Variants in ARHGAP28 observed in about 807,000 individuals in gnomAD.
The protein encoded by ARHGAP28 is rho GTPase-activating protein 28.
A neutral mutation model predicts 90.7 loss-of-function variants in ARHGAP28; 56 were observed. That is an observed-to-expected ratio of 0.62 (90% CI 0.50 to 0.77). ARHGAP28 has a LOEUF of 0.77. Among genes scored for constraint, ARHGAP28 ranks in the 30% least tolerant of loss-of-function variants. The probability of loss-of-function intolerance (pLI) is 0.00; values close to 1 mark genes in which losing one functional copy is unlikely to be tolerated. For missense variants in ARHGAP28, 869 were observed against 900.9 expected, an observed-to-expected ratio of 0.96 and a Z score of 0.45; for synonymous variants, 308 against 323.3, an observed-to-expected ratio of 0.95 and a Z score of 0.51.
rs75156000 is a variant in ARHGAP28 at position 6,860,558 on chromosome 18, T to A, written c.726+661T>A. Among the ~76,000 whole-genome samples, 3,169 of 152,254 alleles carry A rather than the reference T, an allele frequency of 0.021. 240 individuals carry two copies. The East Asian group carries it at 0.28, about 13-fold the overall frequency. On this transcript the variant is annotated intron_variant, in intron 5 of 17. Transcript: ENST00000383472. ...GATGAGGCAATTGTTTTCCAGTGGCTGGTTGATGGAAGGCAGCAGTTAGCA... is the reference window on the plus strand; with the variant it reads ...GATGAGGCAATTGTTTTCCAGTGGCAGGTTGATGGAAGGCAGCAGTTAGCA...
At chr18:6,751,427 G>A (rs927757760) in intron 1 of ARHGAP28, among the ~76,000 whole-genome samples, 5 of 151,964 alleles carry the variant, frequency 3.3e-5, no homozygotes, top group East Asian at 1.9e-4. Flanking sequence ...TGAGGCCATC[G>A]CTCTTCTTGG....
intron 1 of ARHGAP28, among the ~76,000 whole-genome samples, chr18:6,773,433 G>A (rs931016223): frequency 3.9e-5 from 6 of 152,296 alleles, no homozygotes; most frequent in Non-Finnish European, 5.9e-5. Context: ...TTTATAGAGG[G>A]CCAAGTATAG....
chr18:6,909,857 G>C (rs897790352), intron 17 of ARHGAP28, among the ~76,000 whole-genome samples: 1 of 151,956 alleles, frequency 6.6e-6, no homozygotes, highest in Non-Finnish European at 1.5e-5. Flanking sequence ...CCTCTCACCA[G>C]CACCCTCCAC....
chr18:6,868,262 C>G (rs2057054140), intron 6 of ARHGAP28, 28 bp downstream of exon 6: 1 of 1,596,474 alleles, frequency 6.3e-7, no homozygotes, highest in African/African-American at 1.3e-5. Context: ...TGTTGAACTT[C>G]AGCTGTGTCT....
rs1362161834 is a variant in ARHGAP28 at position 6,784,399 on chromosome 18, C to T, written c.123-40363C>T. 2.0e-5 allele frequency among the ~76,000 whole-genome samples: 3 copies of T among 152,142 alleles called. No homozygotes were observed. The East Asian group carries it at 5.8e-4, about 29-fold the overall frequency. ...AGCCAGGAGCCTGGTTGGGTTTACG[C>T]GTTCTGAATGTAATCGCTTTCATTT... On this transcript the variant is annotated intron_variant, in intron 1 of 17. Transcript: ENST00000383472.
intron 12 of ARHGAP28, among the ~76,000 whole-genome samples, 173 bp downstream of exon 12, chr18:6,887,412 T>G (rs1327008285): frequency 6.8e-6 from 1 of 146,190 alleles, no homozygotes; most frequent in African/African-American, 2.5e-5. Context: ...CAAGAAAGAG[T>G]GGAGATCTTG....
intron 1 of ARHGAP28, among the ~76,000 whole-genome samples, chr18:6,733,435 CT>C (rs2055900151): frequency 1.3e-5 from 2 of 151,900 alleles, no homozygotes; most frequent in African/African-American, 4.8e-5. Flanking sequence ...AGAGTTATTT[CT>C]TTTTTTATAT....
chr18:6,873,184 A>G (rs569561837), intron 7 of ARHGAP28, among the ~76,000 whole-genome samples: 1 of 152,220 alleles, frequency 6.6e-6, no homozygotes, highest in Non-Finnish European at 1.5e-5. Context: ...TGGCAATGTT[A>G]TCATATACTT....
At chr18:6,804,518 C>G (rs921739211) in intron 1 of ARHGAP28, among the ~76,000 whole-genome samples, 1 of 152,076 alleles carries the variant, frequency 6.6e-6, no homozygotes, top group Admixed American at 6.5e-5. Flanking sequence ...AAGATCAAAG[C>G]TGAAGTCATT....
chr18:6,825,355 T>A (rs931667619), intron 2 of ARHGAP28, among the ~76,000 whole-genome samples: 16 of 152,194 alleles, frequency 1.1e-4, no homozygotes, highest in African/African-American at 3.9e-4. Flanking sequence ...GACTATTAAT[T>A]ACTATTAACT....
At chr18:6,841,184 T>TCTCTTTCTCTCTCTCTC (rs2056815854) in intron 3 of ARHGAP28, among the ~76,000 whole-genome samples, 1 of 54,364 alleles carries the variant, frequency 1.8e-5, no homozygotes, top group Non-Finnish European at 3.4e-5. Context: ...CTCTCTCCTC[T>TCTCTTTCTCTCTCTCTC]CTCTCTCTCT....
intron 1 of ARHGAP28, among the ~76,000 whole-genome samples, chr18:6,783,229 CA>C (rs2056339014): frequency 6.6e-6 from 1 of 152,070 alleles, no homozygotes; most frequent in Admixed American, 6.6e-5. Context: ...TAGAAATAAA[CA>C]GACTCACTGC....
intron 1 of ARHGAP28, among the ~76,000 whole-genome samples, chr18:6,736,555 C>T (rs2055929087): frequency 1.3e-5 from 2 of 149,326 alleles, no homozygotes; most frequent in South Asian, 4.3e-4. Flanking sequence ...GCCTGACTAA[C>T]ATGGTGAAAC....
intron 1 of ARHGAP28, among the ~76,000 whole-genome samples, chr18:6,768,677 A>G (rs1012182453): frequency 6.6e-6 from 1 of 152,174 alleles, no homozygotes; most frequent in African/African-American, 2.4e-5. Context: ...ATATGGATTA[A>G]TTGAGCTCTT....
At position 6,747,663 on chromosome 18, in the gene ARHGAP28, A is replaced by T. The variant is rs571781369; in HGVS notation, c.122+17720A>T. On this transcript the variant is annotated intron_variant, in intron 1 of 17. Coordinates refer to ENST00000383472, the MANE Select transcript of ARHGAP28 (RefSeq NM_001366230.1). ...AAAAATTCTTTTAGTGCTCTTGAAG[A>T]GTTCATGCTTCCCCACAGAAAAAAT... Among the ~76,000 whole-genome samples the T allele has an allele frequency of 2.0e-5, 3 of 152,346 alleles. No individual in the cohort carries two copies. In the South Asian group the frequency reaches 6.2e-4, roughly 32 times the overall value.
rs2057184818 is a variant in ARHGAP28, at chr18:6,882,239, G to A, written c.1393G>A (p.Glu465Lys). Reference protein sequence around the residue: ...AAVMLKAFFRELPTSLFPVEY... With the variant: ...AAVMLKAFFRKLPTSLFPVEY... The stretch of plus-strand genomic sequence containing the variant: ...AGTAATGTTGAAAGCGTTTTTCAGA[G>A]AACTACCCACCTCTCTCTTCCCTGT... The change falls in exon 11 of 18, where the codon GAA becomes AAA. Residue 465 changes from glutamate (E) to lysine (K), a missense_variant. By Grantham distance (56) the Glu-to-Lys change is moderately conservative. Transcript: ENST00000383472. The A allele has an allele frequency of 6.2e-7, 1 of 1,614,072 alleles. No individual in the cohort carries two copies. The highest frequency in any genetic ancestry group is 8.5e-7 in the Non-Finnish European group (1 of 1,179,984).
rs893081413 is a variant in ARHGAP28, at chr18:6,729,854, G to A, written c.33G>A (p.Leu11=). The change falls in exon 1 of 18, where the codon CTG becomes CTA. Residue 11 remains leucine (L), a synonymous_variant. Transcript: ENST00000383472. ...TGGAGGACTCGGGCGGCGTGGTGCT[G>A]ACCGCCTACCACTCGTACGCGCGCG... MEVEDSGGVV[L]TAYHSYARAQ... 7.0e-7 allele frequency: 1 copy of A among 1,434,664 alleles called. No homozygotes were observed. Among genetic ancestry groups the A allele is most frequent in the African/African-American group, 1.5e-5 (1 of 67,474 alleles). The allele number at this position is 1,434,664 out of a possible 1,614,324, so 88.9% of individuals were successfully genotyped here.
At chr18:6,911,446 TTTTC>T (rs1464185786) in intron 17 of ARHGAP28, among the ~76,000 whole-genome samples, 2 of 106,846 alleles carry the variant, frequency 1.9e-5, no homozygotes, top group African/African-American at 7.2e-5. Context: ...TTTTCTTTTC[TTTTC>T]TTTGAGACGG....
intron 1 of ARHGAP28, among the ~76,000 whole-genome samples, chr18:6,761,751 A>C (rs1388399713): frequency 1.3e-5 from 2 of 152,186 alleles, no homozygotes; most frequent in African/African-American, 4.8e-5. Context: ...GTGGTTTTCA[A>C]CTTGGGCTCT....
Sources: allele counts gnomAD v4.1 joint callset (sites outside exome capture counted in the v4.1 genomes callset), GRCh38; gene constraint gnomAD v4.1.1; transcripts MANE v1.5; gene names NCBI Gene and HGNC (gene_info 2026-07-23, HGNC 2026-07-21).